PDE8A: variants seen among roughly 807,000 people sequenced by gnomAD.
PDE8A encodes phosphodiesterase 8A.
PDE8A carries 59 observed loss-of-function variants against 105.0 expected under a neutral mutation model. The observed-to-expected ratio is 0.56, with a 90% CI of 0.46 to 0.70. The LOEUF (loss-of-function observed/expected upper bound fraction) is 0.70. Among genes scored for constraint, PDE8A ranks in the 30% least tolerant of loss-of-function variants. The pLI is 0.00. For synonymous variants in PDE8A, 355 were observed against 371.9 expected (o/e 0.95, Z 0.52); for missense variants, 1,014 against 1,045.9 (o/e 0.97, Z 0.42).
rs375256237 is a variant in PDE8A at position 85,100,070 on chromosome 15, C to A, written c.993+4C>A. ...AGTGTGCAATGGCAACAATAAGGTA[C>A]GTAAGGAGAGCCCCCCGGGGCCCCA... On this transcript the variant is annotated splice_donor_region_variant and intron_variant, in intron 10 of 21. Transcript: ENST00000394553. 3.5e-5 allele frequency: 56 copies of A among 1,613,374 alleles called. No homozygotes were observed. The highest frequency in any genetic ancestry group is 4.2e-5 in the Non-Finnish European group (49 of 1,179,560).
chr15:84,982,375 C>T (rs2079729096), intron 1 of PDE8A, 27 bp downstream of exon 1: 9 of 1,283,260 alleles, frequency 7.0e-6, no homozygotes, highest in South Asian at 2.4e-5. Flanking sequence ...ACTCTGGGGC[C>T]GCCGCGAAAC....
At chr15:85,093,776 A>C (rs758335716) in intron 8 of PDE8A, among the ~76,000 whole-genome samples, 5 of 152,236 alleles carry the variant, frequency 3.3e-5, no homozygotes, top group Non-Finnish European at 5.9e-5. Context: ...TTCTTCCCCA[A>C]GACTTGTCTA....
chr15:85,090,831 C>T, intron 7 of PDE8A: 1 of 618,740 alleles, frequency 1.6e-6, no homozygotes. Flanking sequence ...AGCAGAAAGC[C>T]CAGCCGGGTA....
intron 5 of PDE8A, among the ~76,000 whole-genome samples, chr15:85,077,702 A>G (rs772416834): frequency 6.6e-6 from 1 of 152,204 alleles, no homozygotes; most frequent in Non-Finnish European, 1.5e-5. Context: ...CCCCTCAGAG[A>G]TTAGTTATGA....
chr15:84,989,043 G>T (rs931205972), intron 1 of PDE8A, among the ~76,000 whole-genome samples: 1 of 152,220 alleles, frequency 6.6e-6, no homozygotes, highest in African/African-American at 2.4e-5. Flanking sequence ...AATCTGTGGG[G>T]TGATTAGTAA....
At chr15:85,100,374 C>T (rs1246436873) in intron 11 of PDE8A, 176 bp downstream of exon 11, 7 of 608,068 alleles carry the variant, frequency 1.2e-5, no homozygotes, top group South Asian at 4.2e-5. Context: ...AGGACTTGAG[C>T]GCTTGTGAGC....
chr15:85,069,233 G>A (rs947620723), intron 3 of PDE8A, among the ~76,000 whole-genome samples: 1 of 152,140 alleles, frequency 6.6e-6, no homozygotes, highest in Non-Finnish European at 1.5e-5. Context: ...TAAAGAATGG[G>A]AACTGGATTG....
chr15:85,080,852 A>G (rs1412591687), intron 5 of PDE8A, among the ~76,000 whole-genome samples: 2 of 152,200 alleles, frequency 1.3e-5, no homozygotes, highest in African/African-American at 2.4e-5. Context: ...TTTTAGGTGC[A>G]CGCCCCTGTG....
intron 1 of PDE8A, among the ~76,000 whole-genome samples, chr15:85,045,622 A>G (rs2080874908): frequency 6.6e-6 from 1 of 152,196 alleles, no homozygotes; most frequent in South Asian, 2.1e-4. Flanking sequence ...TGACTGGACC[A>G]TGTTGTTATT....
At chr15:85,064,201 A>G (rs1297629501) in intron 1 of PDE8A, 169 bp from the exon 2 acceptor site, 1 of 528,012 alleles carries the variant, frequency 1.9e-6, no homozygotes, top group Middle Eastern at 3.9e-4. Context: ...TGGGGGCTAT[A>G]AGGAGATCCT....
At position 85,100,201 on chromosome 15, in the gene PDE8A, A is replaced by G. The variant is rs1432846413; in HGVS notation, c.1036+3A>G. On this transcript the variant is annotated splice_donor_region_variant and intron_variant, in intron 11 of 21. Coordinates refer to ENST00000394553, the MANE Select transcript of PDE8A (RefSeq NM_002605.3). ...TGTTCAGTCTGACACTCATACAGGT[A>G]CGGTGCCCCGTATTTATTCTTAGAG... The G allele has an allele frequency of 6.2e-7, 1 of 1,610,688 alleles. No homozygotes were observed. The highest frequency in any genetic ancestry group is 1.1e-5 in the South Asian group (1 of 90,738).
intron 1 of PDE8A, among the ~76,000 whole-genome samples, chr15:84,997,510 T>A (rs2079999048): frequency 1.3e-5 from 2 of 152,162 alleles, no homozygotes. Flanking sequence ...TTTTTAAATT[T>A]AATAATAAAT....
chr15:85,125,375 C>A lies in PDE8A; in HGVS notation c.2086-832C>A, dbSNP rs115410503. Among the ~76,000 whole-genome samples, 301 of 152,256 alleles carry A rather than the reference C, an allele frequency of 2.0e-3. 1 individual carries two copies. The highest frequency in any genetic ancestry group is 7.0e-3 in the African/African-American group (292 of 41,556). ...TTTTTCATTGCTCTCTGCCCCAATA[C>A]CCTCTAACCTGAATTCTCTTCAGAG... On this transcript the variant is annotated intron_variant, in intron 19 of 21. Coordinates refer to ENST00000394553, the MANE Select transcript of PDE8A (RefSeq NM_002605.3).
In PDE8A at chr15:85,097,844, CTT is replaced by C. The variant is rs1032489761; in HGVS notation, c.853-103_853-102del. 5 of 668,470 alleles carry C rather than the reference CTT, an allele frequency of 7.5e-6. No individual in the cohort carries two copies. The Admixed American group carries it at 1.1e-4, about 15-fold the overall frequency. The allele number at this position is 668,470 out of a possible 1,614,324, so 41.4% of individuals were successfully genotyped here. ...GTTTGGGGTTGGGATCATTTTTTATCTTAATTGCTTTAGCAATGTAAGTGAAT... is the reference window on the plus strand; with the variant it reads ...GTTTGGGGTTGGGATCATTTTTTATCAATTGCTTTAGCAATGTAAGTGAAT... On this transcript the variant is annotated intron_variant, in intron 8 of 21. Coordinates refer to ENST00000394553, the MANE Select transcript of PDE8A (RefSeq NM_002605.3).
At chr15:85,078,965 T>C (rs1433437260) in intron 5 of PDE8A, among the ~76,000 whole-genome samples, 2 of 152,120 alleles carry the variant, frequency 1.3e-5, no homozygotes, top group Non-Finnish European at 2.9e-5. Flanking sequence ...AGGAAAATAA[T>C]TCAGAAAAGG....
Position 85,029,000 on chromosome 15 carries a change from TGTAAA to T in PDE8A, c.187-35368_187-35364del, listed in dbSNP as rs552398744. ...AAAGTAATCTGTCGAGAGAGAGAAATGTAAAGAAAAGAAATGTTCGTCAAGCTGAA... is the reference window on the plus strand; with the variant it reads ...AAAGTAATCTGTCGAGAGAGAGAAATGAAAAGAAATGTTCGTCAAGCTGAA... On this transcript the variant is annotated intron_variant, in intron 1 of 21. Transcript: ENST00000394553. 7.7e-4 allele frequency among the ~76,000 whole-genome samples: 117 copies of T among 152,132 alleles called. 1 individual carries two copies. The highest frequency in any genetic ancestry group is 2.7e-3 in the African/African-American group (113 of 41,494).
rs750469781 is a variant in PDE8A at position 85,137,864 on chromosome 15, C to T, written c.2451C>T (p.Asp817=). ...ACTTTAAATACTGGAAAGGACTGGA[C>T]GAAATGAAGCTGCGGAACCTCCGAC... ...DNNFKYWKGL[D]EMKLRNLRPP... The change falls in exon 22 of 22, where the codon GAC becomes GAT. Residue 817 remains aspartate, a synonymous_variant. Transcript: ENST00000394553. 4.8e-5 allele frequency: 78 copies of T among 1,613,144 alleles called. No homozygotes were observed. The highest frequency in any genetic ancestry group is 8.9e-5 in the East Asian group (4 of 44,890).
At chr15:85,029,039 G>T (rs78650443) in intron 1 of PDE8A, among the ~76,000 whole-genome samples, 1,872 of 152,228 alleles carry the variant, frequency 0.012, 26 homozygotes, top group Middle Eastern at 0.034. Flanking sequence ...AAGACCATGT[G>T]AAGCTACTTT....
intron 11 of PDE8A, 60 bp from the exon 12 acceptor site, chr15:85,108,993 C>A: frequency 1.7e-6 from 2 of 1,194,152 alleles, no homozygotes; most frequent in Non-Finnish European, 2.4e-6. Context: ...AGATTGGTAA[C>A]CTTCCTTAAT....
Sources: allele counts gnomAD v4.1 joint callset (sites outside exome capture counted in the v4.1 genomes callset), GRCh38; gene constraint gnomAD v4.1.1; transcripts MANE v1.5; gene names NCBI Gene and HGNC (gene_info 2026-07-23, HGNC 2026-07-21).